Variants in ST6GALNAC3 observed in about 807,000 individuals in gnomAD.
ST6GALNAC3 encodes the protein ST6 N-acetylgalactosaminide alpha-2,6-sialyltransferase 3, also known as alpha-N-acetylgalactosaminide alpha-2,6-sialyltransferase 3.
Under a neutral mutation model 32.7 loss-of-function variants are expected in ST6GALNAC3, and 25 were observed. The observed-to-expected ratio is 0.76, with a 90% CI of 0.56 to 1.07. The LOEUF (loss-of-function observed/expected upper bound fraction) is 1.07. Ranked by LOEUF, ST6GALNAC3 falls within the 50% of genes least tolerant of loss-of-function variation. The probability of loss-of-function intolerance (pLI) is 0.00; values close to 1 mark genes in which losing one functional copy is unlikely to be tolerated. For missense variants in ST6GALNAC3, 355 were observed against 382.4 expected (o/e 0.93, Z 0.60); for synonymous variants, 129 against 133.1 (o/e 0.97, Z 0.21).
At chr1:76,089,006 C>T (rs1647002900) in intron 1 of ST6GALNAC3, among the ~76,000 whole-genome samples, 1 of 150,064 alleles carries the variant, frequency 6.7e-6, no homozygotes, top group South Asian at 2.1e-4. Flanking sequence ...TAGATTTGAT[C>T]CTCTAGAAAT....
At chr1:76,220,689 T>C (rs939194156) in intron 1 of ST6GALNAC3, among the ~76,000 whole-genome samples, 2 of 151,874 alleles carry the variant, frequency 1.3e-5, no homozygotes, top group African/African-American at 4.8e-5. Context: ...TGAAGGAGAG[T>C]GAGTGTTAAC....
Position 76,411,871 on chromosome 1 carries a change from G to A in ST6GALNAC3, c.214-137G>A, listed in dbSNP as rs113421143. ...TGATAATCTGTGGCAGCGACTGTAG[G>A]TTTGGTATTTGTAGGTACTTCAGAG... On this transcript the variant is annotated intron_variant, in intron 2 of 4. Transcript: ENST00000328299. 9.4e-4 allele frequency: 838 copies of A among 889,760 alleles called. 5 individuals are homozygous for A. The African/African-American group carries it at 9.9e-3, about 11-fold the overall frequency. 55.1% of individuals were successfully genotyped at this position (889,760 alleles called of 1,614,324 possible). A position where few individuals can be genotyped will look rare whatever the true frequency, so the allele number is the denominator to read the frequency against.
In ST6GALNAC3 at chr1:76,546,796, G is replaced by A. The variant is rs538869497; in HGVS notation, c.624-80656G>A. ...GAGGCTGCCTGTGCAGAAGGGCACG[G>A]AATAACAGTTCCTCTGTGGACAGTT... On this transcript the variant is annotated intron_variant, in intron 3 of 4. Coordinates refer to ENST00000328299, the MANE Select transcript of ST6GALNAC3 (RefSeq NM_152996.4). Among the ~76,000 whole-genome samples the A allele has an allele frequency of 2.4e-4, 36 of 152,320 alleles. No homozygotes were observed. In the South Asian group the frequency reaches 7.5e-3, roughly 32 times the overall value.
intron 3 of ST6GALNAC3, among the ~76,000 whole-genome samples, chr1:76,419,572 T>A (rs1198210235): frequency 6.6e-6 from 1 of 152,180 alleles, no homozygotes; most frequent in East Asian, 1.9e-4. Flanking sequence ...TCTTCAAGTT[T>A]AGTTCAAAAT....
chr1:76,077,959 G>A (rs1328013349), intron 1 of ST6GALNAC3, among the ~76,000 whole-genome samples: 1 of 152,168 alleles, frequency 6.6e-6, no homozygotes, highest in Non-Finnish European at 1.5e-5. Flanking sequence ...AAGTAAATGA[G>A]TGCTTAGGTT....
At chr1:76,463,533 T>C (rs1658423167) in intron 3 of ST6GALNAC3, among the ~76,000 whole-genome samples, 1 of 152,176 alleles carries the variant, frequency 6.6e-6, no homozygotes, top group South Asian at 2.1e-4. Context: ...AAAAATCTAA[T>C]ACTAAAGTGA....
intron 3 of ST6GALNAC3, among the ~76,000 whole-genome samples, chr1:76,594,113 T>C (rs1647091883): frequency 6.6e-6 from 1 of 152,142 alleles, no homozygotes. Flanking sequence ...CAGTGACTGC[T>C]GAAATCCAGT....
intron 2 of ST6GALNAC3, among the ~76,000 whole-genome samples, chr1:76,388,136 T>C (rs28450617): frequency 1.3e-5 from 2 of 152,074 alleles, no homozygotes; most frequent in Admixed American, 6.5e-5. Context: ...AAAAATGTCA[T>C]GGGAATACCC....
At chr1:76,209,375 T>G (rs1200165057) in intron 1 of ST6GALNAC3, among the ~76,000 whole-genome samples, 1 of 152,180 alleles carries the variant, frequency 6.6e-6, no homozygotes, top group South Asian at 2.1e-4. Flanking sequence ...TTGTGCAGAT[T>G]GCATCCTGGT....
intron 3 of ST6GALNAC3, among the ~76,000 whole-genome samples, chr1:76,493,794 G>A (rs1043516693): frequency 6.6e-6 from 1 of 152,102 alleles, no homozygotes. Context: ...AAAAGAAGAG[G>A]TATTGAATTC....
intron 3 of ST6GALNAC3, among the ~76,000 whole-genome samples, chr1:76,610,457 A>T (rs1647849007): frequency 2.0e-5 from 3 of 152,098 alleles, no homozygotes; most frequent in African/African-American, 7.2e-5. Flanking sequence ...GGAAGCAGGA[A>T]ATGATAGAAT....
At chr1:76,143,392 C>CGCGTGTGTGT (rs1553159044) in intron 1 of ST6GALNAC3, among the ~76,000 whole-genome samples, 1 of 142,350 alleles carries the variant, frequency 7.0e-6, no homozygotes, top group Non-Finnish European at 1.5e-5. Context: ...CTTACCAAGT[C>CGCGTGTGTGT]GTGTGTGTGT....
intron 2 of ST6GALNAC3, among the ~76,000 whole-genome samples, chr1:76,377,767 C>T (rs1188653526): frequency 6.6e-6 from 1 of 152,094 alleles, no homozygotes; most frequent in Non-Finnish European, 1.5e-5. Flanking sequence ...AATAATGGAA[C>T]CTACCTCGTA....
intron 1 of ST6GALNAC3, among the ~76,000 whole-genome samples, chr1:76,177,138 AC>A (rs1264359340): frequency 1.3e-5 from 2 of 152,198 alleles, no homozygotes; most frequent in Non-Finnish European, 2.9e-5. Flanking sequence ...GTATTTTACT[AC>A]AATTTTTTTT....
At chr1:76,112,016 C>T (rs1186018211) in intron 1 of ST6GALNAC3, among the ~76,000 whole-genome samples, 2 of 151,252 alleles carry the variant, frequency 1.3e-5, no homozygotes, top group African/African-American at 4.9e-5. Flanking sequence ...TAGGGGCGGC[C>T]GGGCAGAGGC....
At chr1:76,582,761 C>T (rs905446369) in intron 3 of ST6GALNAC3, among the ~76,000 whole-genome samples, 50 of 152,300 alleles carry the variant, frequency 3.3e-4, no homozygotes, top group African/African-American at 1.1e-3. Context: ...CGGAACACAG[C>T]AAGTCAGCTT....
At chr1:76,330,272 C>T (rs1647165702) in intron 2 of ST6GALNAC3, among the ~76,000 whole-genome samples, 1 of 152,146 alleles carries the variant, frequency 6.6e-6, no homozygotes. Context: ...CCTGCCTCAG[C>T]CTCCTGAGTA....
At chr1:76,221,708 G>A (rs1655782393) in intron 1 of ST6GALNAC3, among the ~76,000 whole-genome samples, 1 of 152,104 alleles carries the variant, frequency 6.6e-6, no homozygotes, top group Non-Finnish European at 1.5e-5. Flanking sequence ...AAAGGTTTAA[G>A]TATGATAATG....
At chr1:76,324,987 G>T (rs1253312057) in intron 2 of ST6GALNAC3, among the ~76,000 whole-genome samples, 1 of 151,996 alleles carries the variant, frequency 6.6e-6, no homozygotes, top group Non-Finnish European at 1.5e-5. Flanking sequence ...CAACGTGCAG[G>T]TTTGTTACAT....
Sources: allele counts gnomAD v4.1 joint callset (sites outside exome capture counted in the v4.1 genomes callset), GRCh38; gene constraint gnomAD v4.1.1; transcripts MANE v1.5; gene names NCBI Gene and HGNC (gene_info 2026-07-23, HGNC 2026-07-21).